Variants in CPNE4 observed in about 807,000 individuals in gnomAD.
CPNE4 encodes the protein copine-4.
In CPNE4, 25 loss-of-function variants were observed where a neutral mutation model predicts 67.9. The observed-to-expected ratio is 0.37, with a 90% CI of 0.27 to 0.51. The LOEUF (loss-of-function observed/expected upper bound fraction) is 0.51. CPNE4 is among the 20% of genes least tolerant of loss of function. The pLI is 0.93. For synonymous variants in CPNE4, 242 were observed against 244.9 expected (o/e 0.99, Z 0.11); for missense variants, 464 against 690.8 (o/e 0.67, Z 3.68).
At chr3:131,560,937 G>C (rs1266165830) in intron 11 of CPNE4, among the ~76,000 whole-genome samples, 1 of 151,970 alleles carries the variant, frequency 6.6e-6, no homozygotes, top group Non-Finnish European at 1.5e-5. Context: ...CTGGTGTAGA[G>C]TGGACAAGGT....
At chr3:131,986,633 C>CACGCCTGT (rs1394700890) in intron 1 of CPNE4, among the ~76,000 whole-genome samples, 1 of 152,068 alleles carries the variant, frequency 6.6e-6, no homozygotes, top group African/African-American at 2.4e-5. Flanking sequence ...CCCGGTGGCT[C>CACGCCTGT]ACGCCTGTAA....
chr3:131,767,905 A>C (rs1353421706), intron 2 of CPNE4, among the ~76,000 whole-genome samples: 1 of 152,046 alleles, frequency 6.6e-6, no homozygotes, highest in Non-Finnish European at 1.5e-5. Context: ...CCAAGTATCC[A>C]ATTTCTGGAC....
In CPNE4 at chr3:131,952,471, TGGG is replaced by T. The variant is rs1166786933; in HGVS notation, c.-1-47030_-1-47028del. Among the ~76,000 whole-genome samples, 62 of 90,530 alleles carry T rather than the reference TGGG, an allele frequency of 6.8e-4. 1 individual carries two copies. Among genetic ancestry groups the T allele is most frequent in the Non-Finnish European group, 1.5e-3 (52 of 34,270 alleles). 59.4% of individuals were successfully genotyped at this position (90,530 alleles called of 152,430 possible). A position where few individuals can be genotyped will look rare whatever the true frequency, so the allele number is the denominator to read the frequency against. On this transcript the variant is annotated intron_variant, in intron 1 of 15. Transcript: ENST00000429747. ...GCAGCCACCCCGTCCGGGAGGGAGG[TGGG>T]GGGGTCAGCGCCCCGCCAGGCCAGC...
intron 7 of CPNE4, among the ~76,000 whole-genome samples, chr3:131,593,710 G>T (rs539304260): frequency 1.3e-5 from 2 of 151,992 alleles, no homozygotes; most frequent in South Asian, 4.2e-4. Flanking sequence ...TGGTTTGTTT[G>T]TTTGTTTGTT....
At chr3:131,613,038 AC>A (rs1393122722) in intron 7 of CPNE4, among the ~76,000 whole-genome samples, 1 of 152,164 alleles carries the variant, frequency 6.6e-6, no homozygotes, top group East Asian at 1.9e-4. Flanking sequence ...TCTTTCAGAG[AC>A]ATTTGGTTTG....
At chr3:131,727,420 C>T (rs1369179004) in intron 2 of CPNE4, among the ~76,000 whole-genome samples, 3 of 151,908 alleles carry the variant, frequency 2.0e-5, no homozygotes, top group African/African-American at 7.3e-5. Flanking sequence ...TGGTGAAACC[C>T]CGCCACTGCA....
chr3:131,688,400 C>G (rs2080947889), intron 5 of CPNE4, among the ~76,000 whole-genome samples: 1 of 152,206 alleles, frequency 6.6e-6, no homozygotes, highest in African/African-American at 2.4e-5. Context: ...CCATTTCTCT[C>G]TCAGATGCAC....
chr3:132,027,016 C>T (rs2074128854), intron 1 of CPNE4, among the ~76,000 whole-genome samples: 1 of 152,232 alleles, frequency 6.6e-6, no homozygotes, highest in African/African-American at 2.4e-5. Flanking sequence ...TATCAAACTG[C>T]ATTGCAACCC....
chr3:131,675,347 A>G (rs2107663779), intron 6 of CPNE4, among the ~76,000 whole-genome samples: 1 of 151,700 alleles, frequency 6.6e-6, no homozygotes, highest in South Asian at 2.1e-4. Flanking sequence ...GGTGTAGATG[A>G]AGTCCAAGGT....
chr3:132,038,097 C>T (rs1247004470), upstream of CPNE4: 1 of 151,182 alleles, frequency 6.6e-6, no homozygotes, highest in Non-Finnish European at 1.5e-5. Flanking sequence ...AACTTTGAAT[C>T]TCACCCCAGG....
rs571279891 is a variant in CPNE4, at chr3:132,028,996, C to T, written c.-2+5571G>A. Among the ~76,000 whole-genome samples the T allele has an allele frequency of 9.3e-5, 14 of 150,836 alleles. No homozygotes were observed. The South Asian group carries it at 1.7e-3, about 18-fold the overall frequency. Reference sequence around the variant, plus strand: ...AATGGGCACAGGAAGTAGCATTTATCTACGCACTAAAATGCCAGACACTTT... The same window carrying T: ...AATGGGCACAGGAAGTAGCATTTATTTACGCACTAAAATGCCAGACACTTT... On this transcript the variant is annotated intron_variant, in intron 1 of 15. Transcript: ENST00000429747.
intron 1 of CPNE4, among the ~76,000 whole-genome samples, chr3:131,980,466 C>A (rs952522302): frequency 6.6e-6 from 1 of 151,824 alleles, no homozygotes; most frequent in African/African-American, 2.4e-5. Context: ...AAATTTTTTT[C>A]TTCTACTTGT....
At chr3:131,540,251 C>A (rs773385288) in intron 15 of CPNE4, among the ~76,000 whole-genome samples, 1 of 152,196 alleles carries the variant, frequency 6.6e-6, no homozygotes, top group Non-Finnish European at 1.5e-5. Flanking sequence ...AATTACACTG[C>A]AGCCCTCCTT....
upstream of CPNE4, chr3:132,037,461 C>A (rs2074359944): frequency 3.4e-6 from 3 of 870,168 alleles, no homozygotes; most frequent in African/African-American, 3.3e-5. Flanking sequence ...AGCTAATAAT[C>A]CATGTTTTCA....
At chr3:131,942,902 C>T (rs2071441688) in intron 1 of CPNE4, among the ~76,000 whole-genome samples, 1 of 152,094 alleles carries the variant, frequency 6.6e-6, no homozygotes, top group Non-Finnish European at 1.5e-5. Flanking sequence ...TCCAAAAAAG[C>T]TGAATTCCCA....
intron 7 of CPNE4, among the ~76,000 whole-genome samples, chr3:131,647,880 T>C (rs2079706120): frequency 6.6e-6 from 1 of 152,178 alleles, no homozygotes; most frequent in Non-Finnish European, 1.5e-5. Flanking sequence ...TCTTTTATCC[T>C]CAATGTGACT....
intron 6 of CPNE4, among the ~76,000 whole-genome samples, chr3:131,678,179 CT>C (rs1560100317): frequency 2.0e-5 from 3 of 150,696 alleles, no homozygotes; most frequent in South Asian, 2.1e-4. Flanking sequence ...GCATGTCACT[CT>C]TTTTTTTTAG....
intron 2 of CPNE4, among the ~76,000 whole-genome samples, chr3:131,874,128 G>T (rs2087336247): frequency 6.7e-6 from 1 of 148,736 alleles, no homozygotes; most frequent in Non-Finnish European, 1.5e-5. Flanking sequence ...TCGCTCTGTC[G>T]CCCAGGCTGG....
rs67407668 is a variant in CPNE4, at chr3:131,848,956, C to CAAAAAA, written c.180+56302_180+56307dup. On this transcript the variant is annotated intron_variant, in intron 2 of 15. Transcript: ENST00000429747. ...ACTGGTGGAATGACAGTAGTGATTA[C>CAAAAAA]AAAAAAAAAAAAAAAAAAAAAAAAA... 2.5e-4 allele frequency among the ~76,000 whole-genome samples: 20 copies of CAAAAAA among 79,634 alleles called. 2 individuals carry two copies. Among genetic ancestry groups the CAAAAAA allele is most frequent in the Admixed American group, 3.9e-4 (3 of 7,634 alleles). 52.2% of individuals were successfully genotyped at this position (79,634 alleles called of 152,430 possible).
Sources: allele counts gnomAD v4.1 joint callset (sites outside exome capture counted in the v4.1 genomes callset), GRCh38; gene constraint gnomAD v4.1.1; transcripts MANE v1.5; gene names NCBI Gene and HGNC (gene_info 2026-07-23, HGNC 2026-07-21).